FGGY: variants seen among roughly 807,000 people sequenced by gnomAD.
The protein encoded by FGGY is FGGY carbohydrate kinase domain containing, also known as FGGY carbohydrate kinase domain-containing protein.
FGGY carries 72 observed loss-of-function variants against 71.3 expected under a neutral mutation model. That is an observed-to-expected ratio of 1.01 (90% CI 0.84 to 1.23). FGGY has a LOEUF of 1.23. Among genes scored for constraint, FGGY ranks in the 50% most tolerant of loss-of-function variants. The pLI, the probability that FGGY is intolerant of heterozygous loss-of-function variation, is 0.00. For synonymous variants in FGGY, 251 were observed against 250.3 expected (o/e 1.00, Z -0.02); for missense variants, 668 against 682.3 (o/e 0.98, Z 0.23).
At chr1:59,501,634 T>C (rs1178130767) in intron 6 of FGGY, among the ~76,000 whole-genome samples, 1 of 152,230 alleles carries the variant, frequency 6.6e-6, no homozygotes, top group African/African-American at 2.4e-5. Flanking sequence ...AATTTTCCTT[T>C]TGAAACAAGC....
intron 2 of FGGY, chr1:59,331,886 G>A (rs1041194713): frequency 3.3e-5 from 5 of 152,140 alleles, no homozygotes; most frequent in Non-Finnish European, 5.9e-5. Context: ...ATAACTCCTC[G>A]CACGCCCCCA....
intron 5 of FGGY, among the ~76,000 whole-genome samples, chr1:59,385,847 C>G (rs2060009380): frequency 6.6e-6 from 1 of 152,000 alleles, no homozygotes; most frequent in African/African-American, 2.4e-5. Context: ...AGAGCTTAAT[C>G]AAGATTAACT....
chr1:59,384,836 T>A (rs1450640859), intron 5 of FGGY, among the ~76,000 whole-genome samples: 1 of 152,216 alleles, frequency 6.6e-6, no homozygotes, highest in Non-Finnish European at 1.5e-5. Context: ...TTGTCTGTTC[T>A]CTTTTCTAGA....
At chr1:59,308,068 C>T (rs1003634120) in intron 1 of FGGY, among the ~76,000 whole-genome samples, 1 of 152,158 alleles carries the variant, frequency 6.6e-6, no homozygotes, top group Non-Finnish European at 1.5e-5. Flanking sequence ...ACCTCATCTC[C>T]ATGCAGTGTC....
intron 9 of FGGY, among the ~76,000 whole-genome samples, chr1:59,617,889 C>G (rs2096771908): frequency 6.6e-6 from 1 of 152,084 alleles, no homozygotes; most frequent in Non-Finnish European, 1.5e-5. Flanking sequence ...AGGATGTGTA[C>G]ATTGTGAGTG....
intron 14 of FGGY, among the ~76,000 whole-genome samples, chr1:59,690,865 A>T (rs1472282198): frequency 1.3e-5 from 2 of 152,222 alleles, no homozygotes; most frequent in African/African-American, 2.4e-5. Context: ...TTACTTGTGC[A>T]CATTAGCTGT....
intron 14 of FGGY, among the ~76,000 whole-genome samples, chr1:59,705,399 C>G (rs2097749883): frequency 6.6e-6 from 1 of 152,050 alleles, no homozygotes; most frequent in Non-Finnish European, 1.5e-5. Flanking sequence ...TTTTATGTGC[C>G]CAAGAGTTTT....
chr1:59,666,424 C>T (rs530690111), intron 12 of FGGY, among the ~76,000 whole-genome samples: 2 of 152,232 alleles, frequency 1.3e-5, no homozygotes, highest in African/African-American at 2.4e-5. Context: ...TTTTGATTTT[C>T]GAACTCTAGT....
intron 14 of FGGY, among the ~76,000 whole-genome samples, chr1:59,735,331 A>G (rs1199736833): frequency 6.6e-6 from 1 of 151,898 alleles, no homozygotes; most frequent in African/African-American, 2.4e-5. Context: ...ACCACATCCA[A>G]CCTTCCATTT....
intron 13 of FGGY, among the ~76,000 whole-genome samples, chr1:59,669,580 A>G (rs1437040090): frequency 4.2e-5 from 5 of 119,678 alleles, no homozygotes; most frequent in African/African-American, 1.3e-4. Flanking sequence ...TTTTTGGTAG[A>G]GACAGGGTTT....
At chr1:59,435,118 C>G (rs1393861480) in intron 5 of FGGY, among the ~76,000 whole-genome samples, 1 of 152,192 alleles carries the variant, frequency 6.6e-6, no homozygotes, top group East Asian at 1.9e-4. Flanking sequence ...CTTAGCCCAG[C>G]ACTGTCCAAT....
intron 5 of FGGY, among the ~76,000 whole-genome samples, chr1:59,450,203 C>G (rs2072375634): frequency 6.6e-6 from 1 of 151,992 alleles, no homozygotes; most frequent in Admixed American, 6.6e-5. Flanking sequence ...AAAGTTTTAC[C>G]TCTTGCCAGT....
intron 14 of FGGY, among the ~76,000 whole-genome samples, chr1:59,734,464 A>G (rs990242709): frequency 6.6e-6 from 1 of 152,176 alleles, no homozygotes; most frequent in African/African-American, 2.4e-5. Context: ...TTGGCCTCCC[A>G]GAGTTCTGGG....
intron 7 of FGGY, among the ~76,000 whole-genome samples, chr1:59,531,033 T>C (rs966491519): frequency 3.3e-5 from 5 of 152,118 alleles, no homozygotes; most frequent in African/African-American, 1.2e-4. Context: ...TGATGAACAG[T>C]GATGGGGTCC....
At chr1:59,681,561 A>G (rs2097499032) in intron 14 of FGGY, among the ~76,000 whole-genome samples, 1 of 152,236 alleles carries the variant, frequency 6.6e-6, no homozygotes, top group Non-Finnish European at 1.5e-5. Context: ...ACGTGCCTGT[A>G]AGTAATTAAT....
At chr1:59,307,535 C>G (rs1307630370) in intron 1 of FGGY, among the ~76,000 whole-genome samples, 1 of 152,198 alleles carries the variant, frequency 6.6e-6, no homozygotes, top group African/African-American at 2.4e-5. Flanking sequence ...GGTGACCTAA[C>G]TGCTCAGAAC....
chr1:59,512,462 C>T, intron 7 of FGGY, 23 bp downstream of exon 7: 5 of 1,608,634 alleles, frequency 3.1e-6, no homozygotes, highest in Non-Finnish European at 3.4e-6. Flanking sequence ...TTGTTGCCTA[C>T]AGCCAAAACC....
chr1:59,756,563 G>A (rs2101828091), intron 14 of FGGY, among the ~76,000 whole-genome samples: 1 of 152,298 alleles, frequency 6.6e-6, no homozygotes, highest in Non-Finnish European at 1.5e-5. Flanking sequence ...TTGATGAAAG[G>A]CCCATGCAAT....
chr1:59,640,146 C>A (rs1000025677), intron 11 of FGGY, among the ~76,000 whole-genome samples: 1 of 152,120 alleles, frequency 6.6e-6, no homozygotes, highest in Non-Finnish European at 1.5e-5. Context: ...CTTGGTAGTT[C>A]TTGGCAATGA....
Sources: allele counts gnomAD v4.1 joint callset (sites outside exome capture counted in the v4.1 genomes callset), GRCh38; gene constraint gnomAD v4.1.1; transcripts MANE v1.5; gene names NCBI Gene and HGNC (gene_info 2026-07-23, HGNC 2026-07-21).